Variants in MAP2K4 observed in about 807,000 individuals in gnomAD.
MAP2K4 encodes dual specificity mitogen-activated protein kinase kinase 4.
A neutral mutation model predicts 48.5 loss-of-function variants in MAP2K4; 4 were observed. The observed-to-expected ratio is 0.08, with a 90% confidence interval of 0.04 to 0.19. MAP2K4 has a LOEUF of 0.19. Among genes scored for constraint, MAP2K4 ranks in the 10% least tolerant of loss-of-function variants. The pLI is 1.00. For missense variants in MAP2K4, 258 were observed against 493.3 expected (o/e 0.52, Z 4.52); for synonymous variants, 166 against 173.1 (o/e 0.96, Z 0.32).
chr17:12,118,779 A>G (rs143644470), intron 7 of MAP2K4, among the ~76,000 whole-genome samples: 2 of 152,212 alleles, frequency 1.3e-5, no homozygotes, highest in Admixed American at 6.5e-5. Flanking sequence ...AGCATGAAGG[A>G]TGTCATACAT....
At chr17:12,048,799 G>C (rs1597411265) in intron 1 of MAP2K4, among the ~76,000 whole-genome samples, 1 of 152,160 alleles carries the variant, frequency 6.6e-6, no homozygotes, top group South Asian at 2.1e-4. Context: ...TGGGATTACA[G>C]GTGTCTGCCA....
At chr17:12,094,917 A>G (rs556844901) in intron 3 of MAP2K4, among the ~76,000 whole-genome samples, 1 of 152,200 alleles carries the variant, frequency 6.6e-6, no homozygotes, top group Non-Finnish European at 1.5e-5. Context: ...ATGCTGCCCT[A>G]CATGCTGACT....
intron 3 of MAP2K4, among the ~76,000 whole-genome samples, chr17:12,093,087 A>G (rs1448656391): frequency 2.0e-5 from 3 of 152,228 alleles, no homozygotes; most frequent in Admixed American, 1.3e-4. Flanking sequence ...ACCAGCAGCT[A>G]CTTTTCTACC....
chr17:12,069,796 A>C (rs1302341154), intron 2 of MAP2K4: 2 of 785,572 alleles, frequency 2.5e-6, no homozygotes, highest in African/African-American at 1.8e-5. Context: ...AGCAGTATTC[A>C]TCTAGAGATC....
chr17:12,116,281 G>A (rs1399487843), intron 7 of MAP2K4, among the ~76,000 whole-genome samples: 2 of 152,162 alleles, frequency 1.3e-5, no homozygotes, highest in Non-Finnish European at 2.9e-5. Flanking sequence ...ACTGGTATAA[G>A]GCACTAATCA....
At chr17:12,126,237 T>C (rs938944372) in intron 8 of MAP2K4, among the ~76,000 whole-genome samples, 7 of 152,230 alleles carry the variant, frequency 4.6e-5, no homozygotes, top group Admixed American at 1.3e-4. Flanking sequence ...ATGAAAGTTC[T>C]ACCTTAGAAC....
At chr17:12,046,271 C>A (rs1969960841) in intron 1 of MAP2K4, among the ~76,000 whole-genome samples, 1 of 152,160 alleles carries the variant, frequency 6.6e-6, no homozygotes, top group Admixed American at 6.5e-5. Context: ...TTGTGAAATT[C>A]CAACTCTTAG....
intron 2 of MAP2K4, among the ~76,000 whole-genome samples, chr17:12,055,797 T>A (rs1011024272): frequency 6.6e-6 from 1 of 152,106 alleles, no homozygotes; most frequent in Non-Finnish European, 1.5e-5. Flanking sequence ...GCAAAAGAGA[T>A]GCTTAAAATA....
At chr17:12,041,825 C>G (rs528242253) in intron 1 of MAP2K4, among the ~76,000 whole-genome samples, 1 of 152,098 alleles carries the variant, frequency 6.6e-6, no homozygotes, top group African/African-American at 2.4e-5. Context: ...GGTGCTGTTA[C>G]GAAAAGAACT....
chr17:12,034,373 T>C (rs1969529670), intron 1 of MAP2K4, among the ~76,000 whole-genome samples: 1 of 152,216 alleles, frequency 6.6e-6, no homozygotes, highest in Non-Finnish European at 1.5e-5. Flanking sequence ...AATTATGTGG[T>C]GGAGGGGCAT....
intron 1 of MAP2K4, among the ~76,000 whole-genome samples, chr17:12,054,583 A>G (rs1487447047): frequency 6.6e-6 from 1 of 152,126 alleles, no homozygotes. Context: ...TACTGAGATA[A>G]TTGATTTTTA....
intron 1 of MAP2K4, among the ~76,000 whole-genome samples, chr17:12,033,835 A>G (rs2151511421): frequency 6.6e-6 from 1 of 152,252 alleles, no homozygotes; most frequent in Non-Finnish European, 1.5e-5. Context: ...CATTTCGGAG[A>G]CAGAGTCTCA....
intron 2 of MAP2K4, among the ~76,000 whole-genome samples, chr17:12,077,928 AAG>A (rs1213112108): frequency 1.3e-5 from 2 of 152,164 alleles, no homozygotes; most frequent in African/African-American, 4.8e-5. Context: ...TGCATATGAG[AAG>A]AGAGTGAACT....
At chr17:12,045,410 G>C (rs190802691) in intron 1 of MAP2K4, among the ~76,000 whole-genome samples, 261 of 152,298 alleles carry the variant, frequency 1.7e-3, no homozygotes, top group Non-Finnish European at 2.9e-3. Flanking sequence ...CAAGCAAGCT[G>C]TTCTTCAGAG....
At chr17:12,090,214 A>G (rs78094876) in intron 3 of MAP2K4, among the ~76,000 whole-genome samples, 1,755 of 152,288 alleles carry the variant, frequency 0.012, 34 homozygotes, top group African/African-American at 0.04. Context: ...ACATTGTTCA[A>G]GAGCTTAACT....
At chr17:12,115,796 T>C (rs765589206) in intron 7 of MAP2K4, 39 of 734,536 alleles carry the variant, frequency 5.3e-5, no homozygotes, top group Admixed American at 1.2e-4. Context: ...AAGTTCCTGC[T>C]TCTGGGACAG....
At chr17:12,055,111 T>C (rs755507275) in intron 2 of MAP2K4, 120 bp downstream of exon 2, 68 of 587,972 alleles carry the variant, frequency 1.2e-4, no homozygotes, top group Non-Finnish European at 1.9e-4. Flanking sequence ...TCTCTGGGAA[T>C]ATTGTTTATT....
At chr17:12,108,655 C>G (rs1972206343) in intron 5 of MAP2K4, among the ~76,000 whole-genome samples, 2 of 151,748 alleles carry the variant, frequency 1.3e-5, no homozygotes, top group African/African-American at 4.8e-5. Flanking sequence ...ATGGCATGTT[C>G]TAGGTTAGTT....
intron 1 of MAP2K4, among the ~76,000 whole-genome samples, chr17:12,029,859 A>G (rs1158159306): frequency 6.6e-6 from 1 of 151,946 alleles, no homozygotes; most frequent in African/African-American, 2.4e-5. Context: ...TTGAGGCTGC[A>G]GTGAGCTATG....
Sources: allele counts gnomAD v4.1 joint callset (sites outside exome capture counted in the v4.1 genomes callset), GRCh38; gene constraint gnomAD v4.1.1; transcripts MANE v1.5; gene names NCBI Gene and HGNC (gene_info 2026-07-23, HGNC 2026-07-21).